The following PDZD2 variants were observed in gnomAD, a reference collection of about 807,000 sequenced individuals.
PDZD2 encodes the protein PDZ domain-containing protein 2.
In PDZD2, 90 loss-of-function variants were observed where a neutral mutation model predicts 220.7. The observed-to-expected ratio is 0.41, with a 90% CI of 0.34 to 0.49. The LOEUF (loss-of-function observed/expected upper bound fraction) is 0.49. Ranked by LOEUF, PDZD2 falls within the 20% of genes least tolerant of loss-of-function variation. PDZD2 has a pLI of 0.28. For missense variants in PDZD2, 3,174 were observed against 3,608.5 expected, an observed-to-expected ratio of 0.88 and a Z score of 3.08; for synonymous variants, 1,375 against 1,450.5, an observed-to-expected ratio of 0.95 and a Z score of 1.18.
In PDZD2 at chr5:32,048,526, C is replaced by G; in HGVS notation, c.1520-13C>G. The G allele has an allele frequency of 6.2e-7, 1 of 1,611,056 alleles. No homozygotes were observed. Among genetic ancestry groups the G allele is most frequent in the Non-Finnish European group, 8.5e-7 (1 of 1,177,334 alleles). On this transcript the variant is annotated splice_polypyrimidine_tract_variant and intron_variant, in intron 7 of 24. Coordinates refer to ENST00000438447, the MANE Select transcript of PDZD2 (RefSeq NM_178140.4). ...CCCATATCAAACTATGTTTTCTCCT[C>G]TGTTTTCTCAAGGGGGTGTACACCG...
chr5:31,724,377 C>T (rs534419602), intron 1 of PDZD2, among the ~76,000 whole-genome samples: 1 of 151,924 alleles, frequency 6.6e-6, no homozygotes, highest in Non-Finnish European at 1.5e-5. Flanking sequence ...CCGAGATGGG[C>T]GGATCACCTG....
At chr5:31,655,105 T>C (rs1745496835) in intron 1 of PDZD2, among the ~76,000 whole-genome samples, 1 of 152,154 alleles carries the variant, frequency 6.6e-6, no homozygotes, top group African/African-American at 2.4e-5. Flanking sequence ...TACCCTACAC[T>C]AGCCCATGGC....
At chr5:31,653,644 C>G (rs1010473406) in intron 1 of PDZD2, among the ~76,000 whole-genome samples, 1 of 152,210 alleles carries the variant, frequency 6.6e-6, no homozygotes. Context: ...TTTCACTTTA[C>G]ACACTGATCA....
rs142962384 is a variant in PDZD2, at chr5:31,674,457, A to G, written c.-361+35020A>G. On this transcript the variant is annotated intron_variant, in intron 1 of 24. Coordinates refer to ENST00000438447, the MANE Select transcript of PDZD2 (RefSeq NM_178140.4). Reference sequence around the variant, plus strand: ...TAGTATCTTTATTAGCCAAAACCAAAAACACTTAGAAATAGTTTGGTTCCA... The same window carrying G: ...TAGTATCTTTATTAGCCAAAACCAAGAACACTTAGAAATAGTTTGGTTCCA... Among the ~76,000 whole-genome samples the G allele has an allele frequency of 5.0e-3, 768 of 152,338 alleles. 11 individuals are homozygous for G. Among genetic ancestry groups the G allele is most frequent in the African/African-American group, 0.018 (741 of 41,574 alleles).
chr5:31,912,618 C>A (rs1327528572), intron 2 of PDZD2, among the ~76,000 whole-genome samples: 1 of 152,184 alleles, frequency 6.6e-6, no homozygotes, highest in Non-Finnish European at 1.5e-5. Context: ...AGAGAAGGTT[C>A]GCCTTGTTCT....
At chr5:32,032,665 T>A (rs1755219955) in intron 6 of PDZD2, among the ~76,000 whole-genome samples, 1 of 152,158 alleles carries the variant, frequency 6.6e-6, no homozygotes, top group Admixed American at 6.6e-5. Context: ...CTAAAAAAAA[T>A]TTTCCCTGTC....
intron 1 of PDZD2, among the ~76,000 whole-genome samples, chr5:31,717,820 G>A (rs981796048): frequency 7.9e-5 from 12 of 152,288 alleles, no homozygotes; most frequent in South Asian, 2.1e-4. Flanking sequence ...GAGCCCTTCC[G>A]GGGGCTTTGC....
Position 31,819,354 on chromosome 5 carries a change from T to C in PDZD2, c.476+19630T>C, listed in dbSNP as rs563564484. Among the ~76,000 whole-genome samples the C allele has an allele frequency of 8.2e-4, 125 of 152,244 alleles. 5 individuals are homozygous for C. In the South Asian group the frequency reaches 0.025, roughly 30 times the overall value. ...TGGGTGTTTTTACTGTATAGTCTTT[T>C]TTGCTGTGTCCAGAATTCTGGGCTG... On this transcript the variant is annotated intron_variant, in intron 2 of 24. Coordinates refer to ENST00000438447, the MANE Select transcript of PDZD2 (RefSeq NM_178140.4).
At position 31,847,744 on chromosome 5, in the gene PDZD2, G is replaced by A. The variant is rs1218849259; in HGVS notation, c.476+48020G>A. ...AACTACCACTGACAATACAGTTTTG[G>A]AGGCCCTGAAGGAAGCTGTGAATGG... On this transcript the variant is annotated intron_variant, in intron 2 of 24. Coordinates refer to ENST00000438447, the MANE Select transcript of PDZD2 (RefSeq NM_178140.4). 8.4e-6 allele frequency: 5 copies of A among 594,528 alleles called. No individual in the cohort carries two copies. In the East Asian group the frequency reaches 2.1e-4, roughly 25 times the overall value. 36.8% of individuals were successfully genotyped at this position (594,528 alleles called of 1,614,324 possible).
intron 1 of PDZD2, among the ~76,000 whole-genome samples, chr5:31,765,794 A>G (rs1463197410): frequency 3.3e-5 from 5 of 152,176 alleles, no homozygotes; most frequent in Admixed American, 2.0e-4. Flanking sequence ...TCAAGAGTCA[A>G]TGGGTAAGAA....
At chr5:31,697,262 A>C (rs1747415439) in intron 1 of PDZD2, among the ~76,000 whole-genome samples, 1 of 152,218 alleles carries the variant, frequency 6.6e-6, no homozygotes. Context: ...CAGGAGTTTG[A>C]GACCAGCCTG....
chr5:31,763,847 A>C (rs1168926942), intron 1 of PDZD2, among the ~76,000 whole-genome samples: 1 of 149,122 alleles, frequency 6.7e-6, no homozygotes, highest in African/African-American at 2.5e-5. Context: ...TTGAAAGTAA[A>C]GGAGAGGAGG....
At chr5:31,817,775 T>C (rs575098589) in intron 2 of PDZD2, among the ~76,000 whole-genome samples, 193 of 152,032 alleles carry the variant, frequency 1.3e-3, no homozygotes, top group Non-Finnish European at 2.2e-3. Flanking sequence ...GCAACTATCC[T>C]GCCTCAGCCT....
chr5:31,783,838 T>C (rs16901558), intron 1 of PDZD2, among the ~76,000 whole-genome samples: 2,954 of 152,302 alleles, frequency 0.019, 86 homozygotes, highest in African/African-American at 0.064. Context: ...GTTTTATTTT[T>C]TTCCCGCTTC....
At chr5:31,642,600 T>G (rs1744989575) in intron 1 of PDZD2, among the ~76,000 whole-genome samples, 1 of 152,188 alleles carries the variant, frequency 6.6e-6, no homozygotes, top group African/African-American at 2.4e-5. Flanking sequence ...AAGGAGGGTT[T>G]ATTCATGAGA....
intron 12 of PDZD2, 118 bp from the exon 13 acceptor site, chr5:32,059,121 C>T (rs1225558308): frequency 1.7e-6 from 1 of 601,858 alleles, no homozygotes; most frequent in African/African-American, 1.9e-5. Context: ...GAGTCTGGAC[C>T]AGAAATAAAT....
intron 7 of PDZD2, among the ~76,000 whole-genome samples, chr5:32,045,644 G>T (rs1737868413): frequency 6.6e-6 from 1 of 150,826 alleles, no homozygotes; most frequent in Non-Finnish European, 1.5e-5. Context: ...GGCCAGGATG[G>T]TCTCGATCTC....
rs1561637915 is a variant in PDZD2 at position 32,110,578 on chromosome 5, G to A, written c.*2443G>A. 6.6e-6 allele frequency: 1 copy of A among 152,144 alleles called. No individual in the cohort carries two copies. Among genetic ancestry groups the A allele is most frequent in the African/African-American group, 2.4e-5 (1 of 41,252 alleles). 9.4% of individuals were successfully genotyped at this position (152,144 alleles called of 1,614,324 possible). Reference sequence around the variant, plus strand: ...TGTCATTGTTTCTTTTTTTTTAACTGGTCAGTCATTCACAATAAGCTATGA... The same window carrying A: ...TGTCATTGTTTCTTTTTTTTTAACTAGTCAGTCATTCACAATAAGCTATGA... On this transcript the variant is annotated 3_prime_UTR_variant, in exon 25 of 25. Transcript: ENST00000438447.
chr5:31,800,987 A>G (rs113284860), intron 2 of PDZD2, among the ~76,000 whole-genome samples: 1 of 152,212 alleles, frequency 6.6e-6, no homozygotes, highest in African/African-American at 2.4e-5. Flanking sequence ...AGAGCCTCCC[A>G]TCAGTGGAAA....
Sources: allele counts gnomAD v4.1 joint callset (sites outside exome capture counted in the v4.1 genomes callset), GRCh38; gene constraint gnomAD v4.1.1; transcripts MANE v1.5; gene names NCBI Gene and HGNC (gene_info 2026-07-23, HGNC 2026-07-21).